Variants in CCDC157 observed in about 807,000 individuals in gnomAD.
CCDC157 encodes coiled-coil domain-containing protein 157.
A neutral mutation model predicts 70.9 loss-of-function variants in CCDC157; 60 were observed. The observed-to-expected ratio is 0.85, with a 90% CI of 0.69 to 1.05. CCDC157 has a LOEUF of 1.05. CCDC157 is among the 50% of genes least tolerant of loss of function. CCDC157 has a pLI of 0.00. For synonymous variants in CCDC157, 373 were observed against 422.4 expected (o/e 0.88, Z 1.43); for missense variants, 943 against 984.2 (o/e 0.96, Z 0.56).
intron 9 of CCDC157, chr22:30,375,181 T>A: frequency 3.0e-6 from 1 of 331,498 alleles, no homozygotes; most frequent in Non-Finnish European, 5.7e-6. Context: ...ATGGTCTTGA[T>A]CTCTTGACTT....
At chr22:30,358,368 C>T (rs1932089034) in intron 1 of CCDC157, among the ~76,000 whole-genome samples, 1 of 152,218 alleles carries the variant, frequency 6.6e-6, no homozygotes, top group African/African-American at 2.4e-5. Flanking sequence ...CAAATGAGGA[C>T]AGTGAAGTTT....
At position 30,377,979 on chromosome 22, in the gene CCDC157, C is replaced by T. The variant is rs1359599149; in HGVS notation, c.*1234C>T. On this transcript the variant is annotated 3_prime_UTR_variant, in exon 12 of 12. Coordinates refer to ENST00000338306, the MANE Select transcript of CCDC157 (RefSeq NM_001017437.5). ...TCTACCAGGTTGCGTTCCTTTCTGC[C>T]GGTTCTGGGGAAGAATTGGCTTCCA... 1.6e-5 allele frequency: 6 copies of T among 383,960 alleles called. No homozygotes were observed. The highest frequency in any genetic ancestry group is 3.2e-5 in the Admixed American group (1 of 30,950). The allele number at this position is 383,960 out of a possible 1,614,324, so 23.8% of individuals were successfully genotyped here. A position where few individuals can be genotyped will look rare whatever the true frequency, so the allele number is the denominator to read the frequency against.
chr22:30,361,024 G>T (rs1365642134), intron 1 of CCDC157, among the ~76,000 whole-genome samples: 1 of 151,958 alleles, frequency 6.6e-6, no homozygotes, highest in Non-Finnish European at 1.5e-5. Flanking sequence ...TCCAGGCTGC[G>T]CAACAGAGCG....
At position 30,372,263 on chromosome 22, in the gene CCDC157, G is replaced by A. The variant is rs144379228; in HGVS notation, c.1312G>A (p.Asp438Asn). ...TELDKEKARV[D>N]SMVRHQESLQ... is the part of the protein sequence containing the mutation. Reference sequence around the variant, plus strand: ...GCTGGATAAGGAGAAGGCCCGTGTCGACAGCATGGTCCGCCACCAGGAGGT... The same window carrying A: ...GCTGGATAAGGAGAAGGCCCGTGTCAACAGCATGGTCCGCCACCAGGAGGT... Residue 438 changes from aspartate (D) to asparagine (N), a missense_variant, in exon 7 of 12, where the codon GAC (aspartate) becomes AAC (asparagine). Asp to Asn is a conservative substitution (Grantham distance 23). Transcript: ENST00000338306. The A allele has an allele frequency of 3.3e-5, 52 of 1,582,948 alleles. No homozygotes were observed. Among genetic ancestry groups the A allele is most frequent in the African/African-American group, 2.4e-4 (18 of 74,700 alleles).
intron 1 of CCDC157, among the ~76,000 whole-genome samples, chr22:30,358,181 G>A (rs182940606): frequency 2.0e-5 from 3 of 152,324 alleles, no homozygotes; most frequent in South Asian, 4.1e-4. Flanking sequence ...GGGAGTGATA[G>A]GAAAGGTTGC....
intron 2 of CCDC157, among the ~76,000 whole-genome samples, chr22:30,362,980 C>T (rs1403347900): frequency 6.6e-6 from 1 of 152,124 alleles, no homozygotes; most frequent in East Asian, 1.9e-4. Flanking sequence ...GCAGCCCCTG[C>T]TTCAGGGAGG....
Position 30,372,056 on chromosome 22 carries a change from T to C in CCDC157, c.1124-19T>C, listed in dbSNP as rs1040623214. 2 of 1,490,998 alleles carry C rather than the reference T, an allele frequency of 1.3e-6. No homozygotes were observed. The highest frequency in any genetic ancestry group is 2.0e-5 in the Admixed American group (1 of 50,518). The allele number at this position is 1,490,998 out of a possible 1,614,324, so 92.4% of individuals were successfully genotyped here. On this transcript the variant is annotated intron_variant, in intron 6 of 11. Coordinates refer to ENST00000338306, the MANE Select transcript of CCDC157 (RefSeq NM_001017437.5). ...CGCTCCCCTGCCCTACCCCATCCCA[T>C]GTCCACTTAATGCTGCAGAGGCAAA...
In CCDC157 at chr22:30,377,626, G is replaced by GAGAAGGGTCAAGAGGGGCC. The variant is rs1282618830; in HGVS notation, c.*883_*901dup. The GAGAAGGGTCAAGAGGGGCC allele has an allele frequency of 1.3e-5, 2 of 155,286 alleles. No homozygotes were observed. The highest frequency in any genetic ancestry group is 2.9e-5 in the Non-Finnish European group (2 of 69,800). 9.6% of individuals were successfully genotyped at this position (155,286 alleles called of 1,614,324 possible). A position where few individuals can be genotyped will look rare whatever the true frequency, so the allele number is the denominator to read the frequency against. On this transcript the variant is annotated 3_prime_UTR_variant, in exon 12 of 12. Coordinates refer to ENST00000338306, the MANE Select transcript of CCDC157 (RefSeq NM_001017437.5). ...GTCAGGTAGAGCACCTCAGTTCACA[G>GAGAAGGGTCAAGAGGGGCC]AGAAGGGTCAAGAGGGGCCATGTAT...
At chr22:30,374,818 C>T (rs1272001910) in intron 9 of CCDC157, 1 of 447,354 alleles carries the variant, frequency 2.2e-6, no homozygotes, top group Non-Finnish European at 4.5e-6. Flanking sequence ...AGGGGAAGAG[C>T]AGCCTGGCGG....
At chr22:30,364,875 A>C (rs1423416257) in intron 2 of CCDC157, among the ~76,000 whole-genome samples, 1 of 151,802 alleles carries the variant, frequency 6.6e-6, no homozygotes, top group Admixed American at 6.6e-5. Flanking sequence ...GCTGGTGACA[A>C]TAGGTCTTAA....
intron 8 of CCDC157, 78 bp downstream of exon 8, chr22:30,373,842 C>A: frequency 6.5e-7 from 1 of 1,536,920 alleles, no homozygotes; most frequent in Non-Finnish European, 8.8e-7. Context: ...CATGTCTTTT[C>A]TTGGGTAGGG....
At chr22:30,370,202 A>G in intron 4 of CCDC157, 124 bp from the exon 5 acceptor site, 1 of 1,064,018 alleles carries the variant, frequency 9.4e-7, no homozygotes, top group Non-Finnish European at 1.4e-6. Flanking sequence ...GTGTCAGAGA[A>G]CATTTGAGGG....
At chr22:30,368,170 C>T (rs1932796325) in intron 3 of CCDC157, among the ~76,000 whole-genome samples, 1 of 152,214 alleles carries the variant, frequency 6.6e-6, no homozygotes, top group African/African-American at 2.4e-5. Flanking sequence ...GCCAGGGTTA[C>T]CACTCTGAGG....
chr22:30,361,801 C>T (rs1272279404), intron 1 of CCDC157, among the ~76,000 whole-genome samples, 160 bp from the exon 2 acceptor site: 2 of 152,072 alleles, frequency 1.3e-5, no homozygotes, highest in African/African-American at 2.4e-5. Context: ...TTGAAGAGTA[C>T]CCTCTGCTCA....
Position 30,377,093 on chromosome 22 carries a change from C to G in CCDC157, c.*348C>G, listed in dbSNP as rs1284849505. 2 of 339,562 alleles carry G rather than the reference C, an allele frequency of 5.9e-6. No individual in the cohort carries two copies. Among genetic ancestry groups the G allele is most frequent in the African/African-American group, 2.1e-5 (1 of 48,452 alleles). 21.0% of individuals were successfully genotyped at this position (339,562 alleles called of 1,614,324 possible). On this transcript the variant is annotated 3_prime_UTR_variant, in exon 12 of 12. Coordinates refer to ENST00000338306, the MANE Select transcript of CCDC157 (RefSeq NM_001017437.5). ...CCAGAGCAAGGGTCGAGGGGTGAAC[C>G]TTGGCTCAGTGGCCCGCACTGACTC...
rs1046485003 is a variant in CCDC157, at chr22:30,370,090, G to A, written c.421-236G>A. 3 of 610,188 alleles carry A rather than the reference G, an allele frequency of 4.9e-6. No individual in the cohort carries two copies. In the African/African-American group the frequency reaches 5.5e-5, roughly 11 times the overall value. 37.8% of individuals were successfully genotyped at this position (610,188 alleles called of 1,614,324 possible). A position where few individuals can be genotyped will look rare whatever the true frequency, so the allele number is the denominator to read the frequency against. On this transcript the variant is annotated intron_variant, in intron 4 of 11. Coordinates refer to ENST00000338306, the MANE Select transcript of CCDC157 (RefSeq NM_001017437.5). ...CTTCCCAACACCATGCATACAATCA[G>A]ATCAAGCCTGGAGCTTGGGGTGCGG...
chr22:30,370,137 T>C (rs1956243171), intron 4 of CCDC157, 189 bp from the exon 5 acceptor site: 1 of 710,568 alleles, frequency 1.4e-6, no homozygotes, highest in Non-Finnish European at 2.4e-6. Flanking sequence ...GAGACCTGGC[T>C]GTAGTAAGCT....
At chr22:30,356,954 TCGC>T, upstream of CCDC157, 1 of 541,926 alleles carries the variant, frequency 1.8e-6, no homozygotes, top group Non-Finnish European at 2.8e-6. Flanking sequence ...GACCGTCCCC[TCGC>T]CGTGACGCGC....
intron 5 of CCDC157, chr22:30,371,394 C>T (rs1932932755): frequency 1.5e-5 from 8 of 548,290 alleles, no homozygotes; most frequent in South Asian, 2.4e-5. Context: ...TTTGCCCTTT[C>T]TGAGCCTCAT....
Sources: allele counts gnomAD v4.1 joint callset (sites outside exome capture counted in the v4.1 genomes callset), GRCh38; gene constraint gnomAD v4.1.1; transcripts MANE v1.5; gene names NCBI Gene and HGNC (gene_info 2026-07-23, HGNC 2026-07-21).